Variants in USP6 observed in about 807,000 individuals in gnomAD.
USP6 encodes ubiquitin carboxyl-terminal hydrolase 6.
A neutral mutation model predicts 175.7 loss-of-function variants in USP6; 128 were observed. The observed-to-expected ratio is 0.73, with a 90% CI of 0.63 to 0.84. The LOEUF is 0.84. Ranked by LOEUF, USP6 falls within the 40% of genes least tolerant of loss-of-function variation. The probability of loss-of-function intolerance (pLI) is 0.00; values close to 1 mark genes in which losing one functional copy is unlikely to be tolerated. For synonymous variants in USP6, 562 were observed against 630.6 expected (o/e 0.89, Z 1.63); for missense variants, 1,498 against 1,760.3 (o/e 0.85, Z 2.67).
intron 20 of USP6, 88 bp downstream of exon 20, chr17:5,137,838 T>G (rs1372720868): frequency 1.9e-6 from 3 of 1,592,108 alleles, no homozygotes; most frequent in African/African-American, 2.7e-5. Context: ...ACTGTCCTCA[T>G]GATCCTCTGT....
intron 21 of USP6, 148 bp from the exon 22 acceptor site, chr17:5,139,107 C>A: frequency 6.3e-7 from 1 of 1,596,334 alleles, no homozygotes; most frequent in Non-Finnish European, 8.5e-7. Context: ...CCTCTGGGAT[C>A]AGCAGACTAC....
intron 33 of USP6, among the ~76,000 whole-genome samples, chr17:5,164,083 CT>C (rs1279856845): frequency 2.0e-5 from 3 of 152,168 alleles, no homozygotes; most frequent in African/African-American, 7.2e-5. Flanking sequence ...AAAGGAGTTC[CT>C]TAAGTCACAT....
chr17:5,166,830 C>T (rs1416873334), intron 33 of USP6, among the ~76,000 whole-genome samples: 3 of 151,978 alleles, frequency 2.0e-5, no homozygotes, highest in East Asian at 1.9e-4. Context: ...CTTCATTCTA[C>T]ACCACCCCCA....
chr17:5,144,752 T>A lies in USP6; in HGVS notation c.1881T>A (p.Leu627=), dbSNP rs757344017. ...TTCAGCAACAAGACTCCCAAGAACT[T>A]CTGGCTTTTCTCTTGGATGGTCTTC... ...DGFQQQDSQE[L]LAFLLDGLHE... Residue 627 remains leucine (L), a synonymous_variant, in exon 26 of 38, where the codon CTT becomes CTA. Coordinates refer to ENST00000574788, the MANE Select transcript of USP6 (RefSeq NM_001304284.2). The A allele has an allele frequency of 8.1e-6, 13 of 1,613,914 alleles. No individual in the cohort carries two copies. The Admixed American group carries it at 2.2e-4, about 27-fold the overall frequency.
chr17:5,138,532 G>T (rs370559992), intron 21 of USP6, among the ~76,000 whole-genome samples: 1 of 151,920 alleles, frequency 6.6e-6, no homozygotes, highest in Non-Finnish European at 1.5e-5. Flanking sequence ...CACTTTCCAC[G>T]GTGTCTCGCT....
At position 5,137,141 on chromosome 17, in the gene USP6, G is replaced by T; in HGVS notation, c.780G>T (p.Gly260=). ...ATCAGGACAAGGAAGGTCTATGCGG[G>T]CAGTGTGCCTCGTTAGGCTGCCTTC... ...MWHQDKEGLC[G]QCASLGCLLR... is the part of the protein sequence containing the mutation. The change falls in exon 19 of 38, where the codon GGG becomes GGT. Residue 260 remains glycine, a synonymous_variant. Coordinates refer to ENST00000574788, the MANE Select transcript of USP6 (RefSeq NM_001304284.2). The T allele has an allele frequency of 6.2e-7, 1 of 1,613,490 alleles. No individual in the cohort carries two copies. Among genetic ancestry groups the T allele is most frequent in the Non-Finnish European group, 8.5e-7 (1 of 1,179,600 alleles).
In USP6 at chr17:5,161,658, T is replaced by C. The variant is rs751042787; in HGVS notation, c.2915+44T>C. On this transcript the variant is annotated intron_variant, in intron 32 of 37. Coordinates refer to ENST00000574788, the MANE Select transcript of USP6 (RefSeq NM_001304284.2). ...GAATTACTTTAGTAGAATTTCAGCT[T>C]TAGATATTATACAATTTTCCTAAGA... 1.9e-6 allele frequency: 3 copies of C among 1,595,522 alleles called. No homozygotes were observed. In the East Asian group the frequency reaches 6.7e-5, roughly 36 times the overall value.
At chr17:5,150,335 T>TAAATAAATAAAA (rs1227773943) in intron 30 of USP6, among the ~76,000 whole-genome samples, 2 of 139,286 alleles carry the variant, frequency 1.4e-5, no homozygotes, top group Non-Finnish European at 3.2e-5. Context: ...AATAAATAAA[T>TAAATAAATAAAA]AAAATAAAGT....
rs1476624326 is a variant in USP6, at chr17:5,141,458, T to C, written c.1532T>C (p.Met511Thr). The change falls in exon 23 of 38, where the codon ATG (methionine) becomes ACG (threonine). Residue 511 changes from methionine to threonine, a missense_variant. By Grantham distance (81) the Met-to-Thr change is moderately conservative. This residue lies in a region of USP6 where 1,217 missense variants were observed against 1,500.8 expected (regional missense o/e 0.81). Coordinates refer to ENST00000574788, the MANE Select transcript of USP6 (RefSeq NM_001304284.2). ...AAAGATATGAGTTGGCCTGAGGAGA[T>C]GTCTTTTACAGCAAATAGTAGTAAA... ...HNKDMSWPEEMSFTANSSKID... is the reference protein window; with the variant it reads ...HNKDMSWPEETSFTANSSKID... 4 of 1,609,418 alleles carry C rather than the reference T, an allele frequency of 2.5e-6. No individual in the cohort carries two copies.
chr17:5,136,659 T>C lies in USP6; in HGVS notation c.684T>C (p.Gly228=), dbSNP rs1598013033. The part of the protein sequence containing the change: ...HSLPGFHSPN[G]GTVQGLQDQQ... ...TCTCAGGATTCCACAGCCCAAATGG[T>C]GGGACAGTCCAGGGGCTCCAAGACC... The change falls in exon 18 of 38, where the codon GGT becomes GGC. Residue 228 remains glycine (G), a synonymous_variant. Transcript: ENST00000574788. 1.2e-6 allele frequency: 2 copies of C among 1,611,838 alleles called. No individual in the cohort carries two copies. Among genetic ancestry groups the C allele is most frequent in the Non-Finnish European group, 1.7e-6 (2 of 1,179,670 alleles).
At position 5,130,203 on chromosome 17, in the gene USP6, C is replaced by T. The variant is rs1597986394; in HGVS notation, c.-2+114C>T. The T allele has an allele frequency of 7.7e-6, 5 of 652,926 alleles. No homozygotes were observed. In the South Asian group the frequency reaches 8.8e-5, roughly 11 times the overall value. The allele number at this position is 652,926 out of a possible 1,614,324, so 40.4% of individuals were successfully genotyped here. A position where few individuals can be genotyped will look rare whatever the true frequency, so the allele number is the denominator to read the frequency against. ...TGCTTGGGGCTTCAGACTGCAGAGA[C>T]CCATGGAGGTGTGGGCCATGGGGTT... On this transcript the variant is annotated intron_variant, in intron 9 of 37. Transcript: ENST00000574788.
Position 5,122,083 on chromosome 17 carries a change from T to C in USP6, c.-1299+333T>C, listed in dbSNP as rs11653428. Among the ~76,000 whole-genome samples, 1,235 of 142,756 alleles carry C rather than the reference T, an allele frequency of 8.7e-3. 13 individuals carry two copies. The highest frequency in any genetic ancestry group is 0.018 in the African/African-American group (675 of 37,692). 93.7% of individuals were successfully genotyped at this position (142,756 alleles called of 152,430 possible). A position where few individuals can be genotyped will look rare whatever the true frequency, so the allele number is the denominator to read the frequency against. On this transcript the variant is annotated intron_variant, in intron 4 of 37. Transcript: ENST00000574788. ...GGGTCAGGGTGGGGCCAGAGAGATG[T>C]GTCAGGGGGCTGGAGCAGGGAGTGT...
At chr17:5,154,719 T>TA (rs2073844030) in intron 30 of USP6, among the ~76,000 whole-genome samples, 1 of 107,178 alleles carries the variant, frequency 9.3e-6, no homozygotes, top group Non-Finnish European at 2.5e-5. Flanking sequence ...GTCTTTTTTT[T>TA]TTTCCCCCCA....
At chr17:5,159,368 A>G (rs2073959704) in intron 31 of USP6, among the ~76,000 whole-genome samples, 6 of 152,200 alleles carry the variant, frequency 3.9e-5, no homozygotes, top group Non-Finnish European at 1.5e-5. Flanking sequence ...GGAGGAAGTT[A>G]TTGTTGGAAG....
chr17:5,139,326 G>C lies in USP6; in HGVS notation c.1150G>C (p.Gly384Arg). 1 of 1,611,784 alleles carries C rather than the reference G, an allele frequency of 6.2e-7. No individual in the cohort carries two copies. The highest frequency in any genetic ancestry group is 8.5e-7 in the Non-Finnish European group (1 of 1,180,020). ...ACGTGGTGGGAAGACCCTCTGCAAGGGGTATAGGCAGGCCCCTCCAGGCCC... is the reference window on the plus strand; with the variant it reads ...ACGTGGTGGGAAGACCCTCTGCAAGCGGTATAGGCAGGCCCCTCCAGGCCC... ...ASRGGKTLCKGYRQAPPGPPA... is the reference protein window; with the variant it reads ...ASRGGKTLCKRYRQAPPGPPA... Residue 384 changes from glycine to arginine, a missense_variant, in exon 22 of 38, where the codon GGG becomes CGG. Gly to Arg is a moderately radical substitution (Grantham distance 125). Coordinates refer to ENST00000574788, the MANE Select transcript of USP6 (RefSeq NM_001304284.2).
chr17:5,120,986 C>T (rs2072644623), intron 3 of USP6, among the ~76,000 whole-genome samples, 198 bp downstream of exon 3: 1 of 152,184 alleles, frequency 6.6e-6, no homozygotes, highest in Non-Finnish European at 1.5e-5. Flanking sequence ...TCACTGTGGC[C>T]TGCAAAATAG....
intron 30 of USP6, among the ~76,000 whole-genome samples, chr17:5,149,653 A>T (rs577541620): frequency 6.6e-6 from 1 of 152,110 alleles, no homozygotes; most frequent in African/African-American, 2.4e-5. Flanking sequence ...TCACTGCCAC[A>T]TAAACGCGGA....
chr17:5,117,176 C>T (rs1359895825), intron 1 of USP6, among the ~76,000 whole-genome samples: 2 of 152,162 alleles, frequency 1.3e-5, no homozygotes, highest in African/African-American at 4.8e-5. Context: ...GAGACTTGTC[C>T]ATTTATGCTC....
chr17:5,117,958 C>G (rs1195186039), intron 1 of USP6, among the ~76,000 whole-genome samples: 1 of 151,260 alleles, frequency 6.6e-6, no homozygotes, highest in Non-Finnish European at 1.5e-5. Flanking sequence ...CCTCCCAGCT[C>G]CTCAGGAGGC....
Sources: allele counts gnomAD v4.1 joint callset (sites outside exome capture counted in the v4.1 genomes callset), GRCh38; gene constraint gnomAD v4.1.1; regional missense constraint gnomAD v4.1.1; transcripts MANE v1.5; gene names NCBI Gene and HGNC (gene_info 2026-07-23, HGNC 2026-07-21).